Variants in CSMD1 observed in about 807,000 individuals in gnomAD.
CSMD1 encodes the protein CUB and sushi domain-containing protein 1.
Under a neutral mutation model 417.5 loss-of-function variants are expected in CSMD1, and 213 were observed. That is an observed-to-expected ratio of 0.51 (90% CI 0.46 to 0.57). The LOEUF is 0.57. CSMD1 is among the 20% of genes least tolerant of loss of function. The pLI, the probability that CSMD1 is intolerant of heterozygous loss-of-function variation, is 0.00. For missense variants in CSMD1, 6,923 were observed against 4,529.7 expected (o/e 1.53, Z -15.17); for synonymous variants, 2,862 against 1,736.8 (o/e 1.65, Z -16.11).
chr8:4,452,315 A>C (rs1016138099), intron 2 of CSMD1, among the ~76,000 whole-genome samples: 2 of 152,198 alleles, frequency 1.3e-5, no homozygotes, highest in African/African-American at 2.4e-5. Context: ...AATTATTTCT[A>C]CAGTTTTTGA....
At chr8:4,299,315 C>G (rs1474404405) in intron 3 of CSMD1, among the ~76,000 whole-genome samples, 1 of 152,230 alleles carries the variant, frequency 6.6e-6, no homozygotes, top group African/African-American at 2.4e-5. Context: ...AGAGAACGCA[C>G]TTTTTAAATA....
intron 3 of CSMD1, among the ~76,000 whole-genome samples, chr8:4,082,083 C>G (rs1206148499): frequency 6.6e-6 from 1 of 152,120 alleles, no homozygotes; most frequent in South Asian, 2.1e-4. Flanking sequence ...ATGAAGATTA[C>G]TGAGACTTAT....
At chr8:3,762,735 G>A (rs374438352) in intron 5 of CSMD1, among the ~76,000 whole-genome samples, 1 of 152,152 alleles carries the variant, frequency 6.6e-6, no homozygotes, top group East Asian at 1.9e-4. Context: ...GGGGAGCCAG[G>A]CCACAGCTCG....
intron 3 of CSMD1, among the ~76,000 whole-genome samples, chr8:4,176,789 G>C (rs981410268): frequency 4.0e-5 from 6 of 149,316 alleles, no homozygotes; most frequent in Middle Eastern, 3.4e-3. Flanking sequence ...CCTAGTCTCT[G>C]ATAAAACAGA....
At chr8:4,647,757 A>T (rs1803628663) in intron 1 of CSMD1, among the ~76,000 whole-genome samples, 1 of 152,052 alleles carries the variant, frequency 6.6e-6, no homozygotes, top group African/African-American at 2.4e-5. Flanking sequence ...TTCCTTTCTT[A>T]TGGCTGCATA....
chr8:4,190,154 G>T (rs946228468), intron 3 of CSMD1, among the ~76,000 whole-genome samples: 9 of 151,092 alleles, frequency 6.0e-5, no homozygotes, highest in Non-Finnish European at 1.3e-4. Context: ...AGCTACTCAG[G>T]AGGCTGAGGC....
chr8:3,875,844 A>T (rs544116279), intron 5 of CSMD1, among the ~76,000 whole-genome samples: 1 of 152,300 alleles, frequency 6.6e-6, no homozygotes, highest in South Asian at 2.1e-4. Context: ...TCAATCAAGG[A>T]TTGCCTTTTG....
At chr8:3,604,379 A>G (rs886923552) in intron 8 of CSMD1, among the ~76,000 whole-genome samples, 4 of 152,160 alleles carry the variant, frequency 2.6e-5, no homozygotes, top group Admixed American at 6.6e-5. Flanking sequence ...TGATGCTCCG[A>G]ATCTTAAGAT....
At position 4,922,051 on chromosome 8, in the gene CSMD1, C is replaced by T. The variant is rs548787804; in HGVS notation, c.85+72281G>A. On this transcript the variant is annotated intron_variant, in intron 1 of 69. Coordinates refer to ENST00000635120, the MANE Select transcript of CSMD1 (RefSeq NM_033225.6). ...AGAATCCCCCAGCATGGATAAACTG[C>T]CCTCTTCACTTGTACCCAGAGCACC... 6.6e-5 allele frequency among the ~76,000 whole-genome samples: 10 copies of T among 152,282 alleles called. 1 individual carries two copies. In the East Asian group the frequency reaches 1.7e-3, roughly 26 times the overall value.
At chr8:4,088,290 T>C (rs1031223576) in intron 3 of CSMD1, among the ~76,000 whole-genome samples, 2 of 152,218 alleles carry the variant, frequency 1.3e-5, no homozygotes, top group African/African-American at 2.4e-5. Flanking sequence ...TGCATGGCCA[T>C]TGAATACAGC....
chr8:3,436,966 A>C (rs1563387741), intron 12 of CSMD1, among the ~76,000 whole-genome samples: 1 of 152,190 alleles, frequency 6.6e-6, no homozygotes, highest in Non-Finnish European at 1.5e-5. Flanking sequence ...GAGAGAAAAA[A>C]GCATGCAAGA....
intron 1 of CSMD1, among the ~76,000 whole-genome samples, chr8:4,846,762 T>C (rs1032603724): frequency 2.0e-5 from 3 of 152,244 alleles, no homozygotes; most frequent in African/African-American, 7.2e-5. Context: ...CAAGGGTATC[T>C]TATCTTTTAA....
chr8:4,284,780 C>G (rs993556304), intron 3 of CSMD1, among the ~76,000 whole-genome samples: 2 of 152,084 alleles, frequency 1.3e-5, no homozygotes, highest in East Asian at 1.9e-4. Flanking sequence ...CTGGCTCTTT[C>G]CAAAAACCAC....
chr8:4,729,608 A>G (rs868125200), intron 1 of CSMD1, among the ~76,000 whole-genome samples: 10 of 152,198 alleles, frequency 6.6e-5, no homozygotes, highest in African/African-American at 2.4e-4. Context: ...AAAGACGTTA[A>G]TCTGTGAGCA....
At chr8:4,202,286 TA>T (rs913855141) in intron 3 of CSMD1, among the ~76,000 whole-genome samples, 9 of 152,216 alleles carry the variant, frequency 5.9e-5, no homozygotes, top group East Asian at 3.9e-4. Context: ...GATTATGCTT[TA>T]AAAAAATGAA....
rs936334186 is a variant in CSMD1 at position 3,643,713 on chromosome 8, A to AG, written c.1010-26917_1010-26916insC. On this transcript the variant is annotated intron_variant, in intron 7 of 69. Transcript: ENST00000635120. ...GAGACTCCGTCTCAAAAAAAAAAAA[A>AG]AAAAAAAAAGGAAATGCCTCCTCTG... Among the ~76,000 whole-genome samples the AG allele has an allele frequency of 1.3e-4, 20 of 151,042 alleles. 1 individual carries two copies. Among genetic ancestry groups the AG allele is most frequent in the African/African-American group, 4.6e-4 (19 of 41,054 alleles).
chr8:4,735,508 A>C (rs1165033710), intron 1 of CSMD1, among the ~76,000 whole-genome samples: 1 of 152,208 alleles, frequency 6.6e-6, no homozygotes, highest in Non-Finnish European at 1.5e-5. Flanking sequence ...ATTTTAATGC[A>C]ACTTACATTA....
chr8:3,535,214 A>G (rs1798145511), intron 10 of CSMD1, among the ~76,000 whole-genome samples: 1 of 152,026 alleles, frequency 6.6e-6, no homozygotes, highest in Non-Finnish European at 1.5e-5. Context: ...TCAGCCTCCC[A>G]AGCTCTAGGA....
intron 2 of CSMD1, among the ~76,000 whole-genome samples, chr8:4,446,900 C>T (rs1027655447): frequency 1.3e-5 from 2 of 150,594 alleles, no homozygotes; most frequent in African/African-American, 4.9e-5. Flanking sequence ...GGATTACAGG[C>T]GTGAGCCATT....
Sources: allele counts gnomAD v4.1 joint callset (sites outside exome capture counted in the v4.1 genomes callset), GRCh38; gene constraint gnomAD v4.1.1; transcripts MANE v1.5; gene names NCBI Gene and HGNC (gene_info 2026-07-23, HGNC 2026-07-21).